The following ALCAM variants were observed in gnomAD, a reference collection of about 807,000 sequenced individuals.
The protein encoded by ALCAM is CD166 antigen.
A neutral mutation model predicts 70.9 loss-of-function variants in ALCAM; 30 were observed. The observed-to-expected ratio is 0.42, with a 90% CI of 0.32 to 0.57. The LOEUF is 0.57. Ranked by LOEUF, ALCAM falls within the 20% of genes least tolerant of loss-of-function variation. The pLI, the probability that ALCAM is intolerant of heterozygous loss-of-function variation, is 0.11. For missense variants in ALCAM, 591 were observed against 695.1 expected, an observed-to-expected ratio of 0.85 and a Z score of 1.68; for synonymous variants, 249 against 242.5, an observed-to-expected ratio of 1.03 and a Z score of -0.25.
rs1414886481 is a variant in ALCAM, at chr3:105,552,790, A to T, written c.1664+205A>T. Reference sequence around the variant, plus strand: ...GACATGGCTTGGGATACTGTTTCACATGTGTCCGTTTATTTGTCTCAATCA... The same window carrying T: ...GACATGGCTTGGGATACTGTTTCACTTGTGTCCGTTTATTTGTCTCAATCA... On this transcript the variant is annotated intron_variant, in intron 14 of 15. Transcript: ENST00000306107. The T allele has an allele frequency of 3.6e-6, 5 of 1,374,360 alleles. No individual in the cohort carries two copies. In the East Asian group the frequency reaches 1.4e-4, roughly 38 times the overall value. 85.1% of individuals were successfully genotyped at this position (1,374,360 alleles called of 1,614,324 possible). A position where few individuals can be genotyped will look rare whatever the true frequency, so the allele number is the denominator to read the frequency against.
intron 1 of ALCAM, among the ~76,000 whole-genome samples, chr3:105,418,813 A>G (rs1176535089): frequency 6.6e-6 from 1 of 151,660 alleles, no homozygotes; most frequent in East Asian, 1.9e-4. Context: ...AGTTTTCCAG[A>G]TATTCACTGT....
At chr3:105,477,309 C>T (rs1410182715) in intron 1 of ALCAM, among the ~76,000 whole-genome samples, 1 of 152,034 alleles carries the variant, frequency 6.6e-6, no homozygotes, top group Non-Finnish European at 1.5e-5. Flanking sequence ...GTTTGAAGAA[C>T]TAACTTTAGC....
chr3:105,475,363 T>C (rs1938078933), intron 1 of ALCAM, among the ~76,000 whole-genome samples: 1 of 152,002 alleles, frequency 6.6e-6, no homozygotes, highest in Non-Finnish European at 1.5e-5. Context: ...AATATTCTGG[T>C]TGCTCTGAGG....
chr3:105,462,209 G>A (rs548176134), intron 1 of ALCAM, among the ~76,000 whole-genome samples: 1 of 151,628 alleles, frequency 6.6e-6, no homozygotes, highest in Non-Finnish European at 1.5e-5. Context: ...AACAGCCATT[G>A]AATGAGTACT....
At chr3:105,572,810 C>T (rs1190421157) in intron 15 of ALCAM, among the ~76,000 whole-genome samples, 1 of 152,120 alleles carries the variant, frequency 6.6e-6, no homozygotes, top group Non-Finnish European at 1.5e-5. Context: ...GGAAACTTAC[C>T]AGTTTCCCCC....
chr3:105,452,903 C>T lies in ALCAM; in HGVS notation c.74-67164C>T, dbSNP rs531190836. Among the ~76,000 whole-genome samples, 269 of 151,168 alleles carry T rather than the reference C, an allele frequency of 1.8e-3. 2 individuals are homozygous for T. Among genetic ancestry groups the T allele is most frequent in the African/African-American group, 6.2e-3 (258 of 41,392 alleles). ...GAAGTGTCTGTTCATACCCTTTGCC[C>T]GCTTTTTGATGGGGTTGTTTGTTTT... is the stretch of plus-strand genomic sequence containing the variant. On this transcript the variant is annotated intron_variant, in intron 1 of 15. Coordinates refer to ENST00000306107, the MANE Select transcript of ALCAM (RefSeq NM_001627.4).
chr3:105,507,812 A>T (rs1939122997), intron 1 of ALCAM, among the ~76,000 whole-genome samples: 1 of 152,198 alleles, frequency 6.6e-6, no homozygotes. Context: ...GAGGAAAGAC[A>T]CAGGTCTTTA....
intron 1 of ALCAM, among the ~76,000 whole-genome samples, chr3:105,397,475 G>T (rs1031176970): frequency 2.0e-5 from 3 of 151,738 alleles, no homozygotes; most frequent in Admixed American, 6.6e-5. Flanking sequence ...TTTATACCAA[G>T]TATAGAGATA....
At chr3:105,521,055 A>G (rs1318155780) in intron 2 of ALCAM, among the ~76,000 whole-genome samples, 1 of 151,356 alleles carries the variant, frequency 6.6e-6, no homozygotes, top group Admixed American at 6.6e-5. Flanking sequence ...TAATCCCAGC[A>G]CTTTGGGAGG....
At chr3:105,379,953 T>G (rs1935475159) in intron 1 of ALCAM, among the ~76,000 whole-genome samples, 1 of 151,748 alleles carries the variant, frequency 6.6e-6, no homozygotes, top group Non-Finnish European at 1.5e-5. Context: ...GGTATACTCT[T>G]GAGAAACATA....
chr3:105,546,586 A>G (rs941235259), intron 9 of ALCAM, among the ~76,000 whole-genome samples: 1 of 151,482 alleles, frequency 6.6e-6, no homozygotes, highest in Non-Finnish European at 1.5e-5. Context: ...CACTCATTGC[A>G]TGTTTTACTA....
intron 1 of ALCAM, among the ~76,000 whole-genome samples, chr3:105,404,350 C>G (rs1936166321): frequency 6.6e-6 from 1 of 152,022 alleles, no homozygotes; most frequent in East Asian, 1.9e-4. Flanking sequence ...ATCAGGTAAC[C>G]TACAAAGGAA....
chr3:105,410,475 A>T (rs1250632441), intron 1 of ALCAM, among the ~76,000 whole-genome samples: 1 of 151,924 alleles, frequency 6.6e-6, no homozygotes, highest in African/African-American at 2.4e-5. Context: ...TACCACTCTG[A>T]GTGTTTATGT....
chr3:105,451,479 T>A (rs936169985), intron 1 of ALCAM, among the ~76,000 whole-genome samples: 1 of 110,106 alleles, frequency 9.1e-6, no homozygotes, highest in African/African-American at 3.4e-5. Flanking sequence ...AAGAGACTAA[T>A]TAAATAAAAC....
At chr3:105,560,976 G>T (rs775897637) in intron 14 of ALCAM, among the ~76,000 whole-genome samples, 1 of 152,146 alleles carries the variant, frequency 6.6e-6, no homozygotes, top group Non-Finnish European at 1.5e-5. Flanking sequence ...ATGTACAAAT[G>T]AATTTGGGTA....
chr3:105,435,916 G>A (rs1363780563), intron 1 of ALCAM, among the ~76,000 whole-genome samples: 4 of 151,916 alleles, frequency 2.6e-5, no homozygotes, highest in Non-Finnish European at 4.4e-5. Context: ...TCAGCCTCCC[G>A]AAAAAGAGGT....
chr3:105,545,572 G>T (rs1179304533), intron 9 of ALCAM, among the ~76,000 whole-genome samples: 1 of 151,308 alleles, frequency 6.6e-6, no homozygotes, highest in African/African-American at 2.4e-5. Flanking sequence ...TGTCAATTAT[G>T]TGTATATACT....
intron 1 of ALCAM, among the ~76,000 whole-genome samples, chr3:105,502,665 A>G (rs993780441): frequency 6.6e-6 from 1 of 152,242 alleles, no homozygotes; most frequent in African/African-American, 2.4e-5. Context: ...TAACTTTTGA[A>G]AGAGGTATTT....
intron 1 of ALCAM, among the ~76,000 whole-genome samples, chr3:105,370,859 C>T (rs923737028): frequency 6.6e-6 from 1 of 152,072 alleles, no homozygotes; most frequent in Non-Finnish European, 1.5e-5. Context: ...AAACCTGTTC[C>T]TATATAAACT....
Sources: allele counts gnomAD v4.1 joint callset (sites outside exome capture counted in the v4.1 genomes callset), GRCh38; gene constraint gnomAD v4.1.1; transcripts MANE v1.5; gene names NCBI Gene and HGNC (gene_info 2026-07-23, HGNC 2026-07-21).